RAB27B: variants seen among roughly 807,000 people sequenced by gnomAD.
RAB27B encodes RAB27B, member RAS oncogene family.
Under a neutral mutation model 24.6 loss-of-function variants are expected in RAB27B, and 15 were observed. The observed-to-expected ratio is 0.61, with a 90% CI of 0.41 to 0.94. The LOEUF (loss-of-function observed/expected upper bound fraction) is 0.94, where lower values mean the gene tolerates loss of function less well. Ranked by LOEUF, RAB27B falls within the 40% of genes least tolerant of loss-of-function variation. RAB27B has a pLI of 0.00. For synonymous variants in RAB27B, 105 were observed against 92.5 expected (o/e 1.14, Z -0.78); for missense variants, 261 against 266.8 (o/e 0.98, Z 0.15).
At chr18:54,838,042 T>C (rs902534846) in intron 1 of RAB27B, among the ~76,000 whole-genome samples, 1 of 152,176 alleles carries the variant, frequency 6.6e-6, no homozygotes, top group Admixed American at 6.5e-5. Context: ...ATTAATATCA[T>C]GCTCTAATAA....
At chr18:54,763,311 A>G (rs533002407) in intron 2 of RAB27B, among the ~76,000 whole-genome samples, 9 of 143,862 alleles carry the variant, frequency 6.3e-5, no homozygotes, top group East Asian at 1.9e-4. Context: ...GTGTTTGTTT[A>G]TTTATTTATT....
intron 2 of RAB27B, among the ~76,000 whole-genome samples, chr18:54,722,443 C>T (rs577869938): frequency 6.6e-6 from 1 of 152,266 alleles, no homozygotes; most frequent in South Asian, 2.1e-4. Context: ...GAGATGACTA[C>T]ATCCACGGAG....
intron 1 of RAB27B, among the ~76,000 whole-genome samples, chr18:54,859,820 T>G (rs2145234816): frequency 6.6e-6 from 1 of 152,358 alleles, no homozygotes; most frequent in South Asian, 2.1e-4. Context: ...AACAATAGAC[T>G]CATTAAAGCT....
chr18:54,852,723 AG>A (rs1206676679), intron 1 of RAB27B, among the ~76,000 whole-genome samples: 5 of 152,236 alleles, frequency 3.3e-5, no homozygotes, highest in African/African-American at 1.2e-4. Context: ...TTCAGGGGAA[AG>A]GAAGTAGTGT....
chr18:54,803,252 C>G (rs1011131581), intron 2 of RAB27B, among the ~76,000 whole-genome samples: 2 of 152,054 alleles, frequency 1.3e-5, no homozygotes, highest in East Asian at 1.9e-4. Flanking sequence ...GGAAGTCCTC[C>G]TAAGAGATGA....
chr18:54,726,607 A>G (rs1909544610), intron 2 of RAB27B, among the ~76,000 whole-genome samples: 1 of 151,652 alleles, frequency 6.6e-6, no homozygotes, highest in Non-Finnish European at 1.5e-5. Flanking sequence ...AACACACAAA[A>G]AGGCCATTTT....
chr18:54,849,027 G>C (rs570939077), intron 1 of RAB27B, among the ~76,000 whole-genome samples: 1 of 152,136 alleles, frequency 6.6e-6, no homozygotes, highest in Non-Finnish European at 1.5e-5. Flanking sequence ...CCAGCAGAAC[G>C]TCTGGGATTT....
chr18:54,809,581 A>G (rs1309264186), intron 2 of RAB27B, among the ~76,000 whole-genome samples: 1 of 152,208 alleles, frequency 6.6e-6, no homozygotes, highest in Non-Finnish European at 1.5e-5. Context: ...ATTTGAAGAG[A>G]CTTATTATAG....
chr18:54,730,881 C>G (rs1386483826), intron 2 of RAB27B, among the ~76,000 whole-genome samples: 2 of 152,194 alleles, frequency 1.3e-5, no homozygotes, highest in Non-Finnish European at 2.9e-5. Flanking sequence ...CAAGAACGTA[C>G]TAACACACTA....
At chr18:54,751,838 C>T (rs1050374180) in intron 2 of RAB27B, among the ~76,000 whole-genome samples, 2 of 152,142 alleles carry the variant, frequency 1.3e-5, no homozygotes, top group African/African-American at 4.8e-5. Context: ...GGAGATGACA[C>T]AGTCATTACA....
intron 2 of RAB27B, among the ~76,000 whole-genome samples, chr18:54,749,188 A>G (rs187093341): frequency 1.3e-5 from 2 of 152,270 alleles, no homozygotes; most frequent in Non-Finnish European, 2.9e-5. Flanking sequence ...TTCTTTTGCA[A>G]AGAATCTTCC....
upstream of RAB27B, among the ~76,000 whole-genome samples, chr18:54,826,399 T>A (rs1222075644): frequency 6.6e-6 from 1 of 152,182 alleles, no homozygotes; most frequent in Non-Finnish European, 1.5e-5. Context: ...CAAGCAACAT[T>A]TCTCTTATGT....
intron 1 of RAB27B, among the ~76,000 whole-genome samples, chr18:54,836,743 T>G (rs1273247130): frequency 2.6e-5 from 4 of 151,948 alleles, no homozygotes; most frequent in Non-Finnish European, 5.9e-5. Context: ...TAAAACTGCT[T>G]TCTAATTGGT....
At chr18:54,860,353 C>T (rs1346040083) in intron 1 of RAB27B, among the ~76,000 whole-genome samples, 1 of 152,142 alleles carries the variant, frequency 6.6e-6, no homozygotes, top group Non-Finnish European at 1.5e-5. Context: ...ACCTCATCTG[C>T]CACGGCCCCC....
At position 54,871,037 on chromosome 18, in the gene RAB27B, C is replaced by A. The variant is rs540879884; in HGVS notation, c.-19-6530C>A. On this transcript the variant is annotated intron_variant, in intron 1 of 5. Transcript: ENST00000262094. ...AGATGCAACTAAACTAAGCCAAAGG[C>A]AAAAATGTTATTTAGAGAAAAAGTA... 3.3e-5 allele frequency among the ~76,000 whole-genome samples: 5 copies of A among 152,124 alleles called. No individual in the cohort carries two copies. In the East Asian group the frequency reaches 9.6e-4, roughly 29 times the overall value.
intron 2 of RAB27B, among the ~76,000 whole-genome samples, chr18:54,730,530 T>C (rs886604189): frequency 6.6e-6 from 1 of 152,060 alleles, no homozygotes; most frequent in Non-Finnish European, 1.5e-5. Context: ...AAATCTCATG[T>C]TGAAATGTGA....
intron 2 of RAB27B, among the ~76,000 whole-genome samples, chr18:54,790,003 G>C (rs1177393826): frequency 6.6e-6 from 1 of 151,792 alleles, no homozygotes; most frequent in Admixed American, 6.6e-5. Context: ...CAAAATGCTG[G>C]GTTTCATAGC....
At chr18:54,840,386 ACT>A (rs1176606582) in intron 1 of RAB27B, among the ~76,000 whole-genome samples, 1 of 152,232 alleles carries the variant, frequency 6.6e-6, no homozygotes, top group Non-Finnish European at 1.5e-5. Flanking sequence ...GCTATAAATT[ACT>A]GTTCCCAGTA....
intron 1 of RAB27B, among the ~76,000 whole-genome samples, chr18:54,839,137 A>G (rs1911010187): frequency 6.6e-6 from 1 of 152,154 alleles, no homozygotes; most frequent in Non-Finnish European, 1.5e-5. Flanking sequence ...GAAAATATGC[A>G]TTGATGTTAA....
Sources: allele counts gnomAD v4.1 joint callset (sites outside exome capture counted in the v4.1 genomes callset), GRCh38; gene constraint gnomAD v4.1.1; transcripts MANE v1.5; gene names NCBI Gene and HGNC (gene_info 2026-07-23, HGNC 2026-07-21).